Variants in ALAS1 observed in about 807,000 individuals in gnomAD.
The protein encoded by ALAS1 is 5-aminolevulinate synthase, non-specific, mitochondrial.
Under a neutral mutation model 59.6 loss-of-function variants are expected in ALAS1, and 29 were observed. That is an observed-to-expected ratio of 0.49 (90% confidence interval 0.36 to 0.66). ALAS1 has a LOEUF of 0.66. ALAS1 is among the 30% of genes least tolerant of loss of function. ALAS1 has a pLI of 0.00. For synonymous variants in ALAS1, 299 were observed against 296.6 expected (o/e 1.01, Z -0.08); for missense variants, 690 against 807.5 (o/e 0.85, Z 1.76).
intron 6 of ALAS1, 84 bp downstream of exon 6, chr3:52,204,999 G>A: frequency 8.7e-7 from 1 of 1,155,430 alleles, no homozygotes; most frequent in South Asian, 1.3e-5. Flanking sequence ...TTTTATGGAG[G>A]GAACATTCAG....
At chr3:52,200,516 T>G (rs898389815) in intron 3 of ALAS1, among the ~76,000 whole-genome samples, 2 of 152,204 alleles carry the variant, frequency 1.3e-5, no homozygotes, top group African/African-American at 4.8e-5. Context: ...GGTGGTTTGA[T>G]CACCTGAGGC....
Position 52,211,453 on chromosome 3 carries a change from C to T in ALAS1, c.1501C>T (p.Arg501Cys), listed in dbSNP as rs891809385. 10 of 1,614,106 alleles carry T rather than the reference C, an allele frequency of 6.2e-6. No homozygotes were observed. The highest frequency in any genetic ancestry group is 1.7e-5 in the Admixed American group (1 of 60,008). Residue 501 changes from arginine to cysteine, a missense_variant, in exon 10 of 12, where the codon CGC becomes TGC. Physicochemically the swap from Arg to Cys is radical, Grantham distance 180. Coordinates refer to ENST00000484952, the MANE Select transcript of ALAS1 (RefSeq NM_000688.6). Reference protein sequence around the residue: ...ILKSAEGRVLRRQHQRNVKLM... With the variant: ...ILKSAEGRVLCRQHQRNVKLM... ...GAAGAGCGCTGAGGGACGGGTGCTT[C>T]GCCGCCAGCACCAGCGCAACGTCAA...
intron 8 of ALAS1, among the ~76,000 whole-genome samples, chr3:52,207,726 C>T (rs1405284343): frequency 2.0e-5 from 3 of 152,068 alleles, no homozygotes; most frequent in Admixed American, 6.6e-5. Flanking sequence ...TAAGTGAGAG[C>T]GATATTTGGT....
At position 52,208,126 on chromosome 3, in the gene ALAS1, G is replaced by A. The variant is rs773733316; in HGVS notation, c.1209G>A (p.Glu403=). 2 of 1,609,230 alleles carry A rather than the reference G, an allele frequency of 1.2e-6. No homozygotes were observed. The highest frequency in any genetic ancestry group is 2.2e-5 in the East Asian group (1 of 44,854). Residue 403 remains glutamate (E), a synonymous_variant, in exon 9 of 12, where the codon GAG becomes GAA. Coordinates refer to ENST00000484952, the MANE Select transcript of ALAS1 (RefSeq NM_000688.6). ...AAGAGCTGTGTGATGTGGCCCATGA[G>A]TTTGGAGCAATCACCTTCGTGGATG... ...PLEELCDVAH[E]FGAITFVDEV...
rs143204062 is a variant in ALAS1, at chr3:52,205,871, G to A, written c.833G>A (p.Gly278Asp). The A allele has an allele frequency of 1.8e-5, 29 of 1,613,986 alleles. No individual in the cohort carries two copies. The highest frequency in any genetic ancestry group is 2.5e-5 in the Non-Finnish European group (29 of 1,179,932). ...TTGAAACAACATGGTGCTGGGGCAGGTGGTACTAGAAATATTTCTGGAACT... is the reference window on the plus strand; with the variant it reads ...TTGAAACAACATGGTGCTGGGGCAGATGGTACTAGAAATATTTCTGGAACT... The part of the protein sequence containing the change: ...DTLKQHGAGA[G>D]GTRNISGTSK... The change falls in exon 7 of 12, where the codon GGT (glycine) becomes GAT (aspartate). Residue 278 changes from glycine to aspartate, a missense_variant. Gly to Asp is a moderately conservative substitution (Grantham distance 94). Coordinates refer to ENST00000484952, the MANE Select transcript of ALAS1 (RefSeq NM_000688.6).
At chr3:52,208,268 A>G in intron 9 of ALAS1, 21 bp downstream of exon 9, 2 of 1,612,686 alleles carry the variant, frequency 1.2e-6, no homozygotes, top group Non-Finnish European at 1.7e-6. Flanking sequence ...ATTGTATTAC[A>G]TACACTAAAA....
At chr3:52,206,239 C>T (rs1483408913) in intron 7 of ALAS1, among the ~76,000 whole-genome samples, 1 of 152,206 alleles carries the variant, frequency 6.6e-6, no homozygotes, top group Non-Finnish European at 1.5e-5. Context: ...ACGTCTCATC[C>T]TTGAGCTAAT....
chr3:52,200,066 T>G (rs1275236746), intron 3 of ALAS1, among the ~76,000 whole-genome samples: 1 of 152,218 alleles, frequency 6.6e-6, no homozygotes, highest in Non-Finnish European at 1.5e-5. Context: ...TCCACCTGCC[T>G]CAGCCTCCCA....
At chr3:52,205,707 C>A (rs926487382) in intron 6 of ALAS1, 132 bp from the exon 7 acceptor site, 2 of 838,114 alleles carry the variant, frequency 2.4e-6, no homozygotes, top group Non-Finnish European at 3.6e-6. Context: ...AATTTCTGAC[C>A]CCAGGTTTCA....
rs923169759 is a variant in ALAS1, at chr3:52,211,401, T to A, written c.1449T>A (p.Ala483=). The change falls in exon 10 of 12, where the codon GCT becomes GCA. Residue 483 remains alanine (A), a synonymous_variant. Coordinates refer to ENST00000484952, the MANE Select transcript of ALAS1 (RefSeq NM_000688.6). ...FTTSLPPMLL[A]GALESVRILK... is the part of the protein sequence containing the mutation. ...CCTCTCTGCCACCCATGCTGCTGGC[T>A]GGAGCCCTGGAGTCTGTGCGGATCC... 1 of 1,614,216 alleles carries A rather than the reference T, an allele frequency of 6.2e-7. No homozygotes were observed. The highest frequency in any genetic ancestry group is 8.5e-7 in the Non-Finnish European group (1 of 1,180,032).
chr3:52,206,700 G>C lies in ALAS1; in HGVS notation c.1114G>C (p.Asp372His). 6.2e-7 allele frequency: 1 copy of C among 1,614,192 alleles called. No homozygotes were observed. Among genetic ancestry groups the C allele is most frequent in the Admixed American group, 1.7e-5 (1 of 60,024 alleles). ...CCTCAGAGAACTGCTGCAAAGATCT[G>C]ACCCCTCAGTCCCCAAGATTGTGGC... The part of the protein sequence containing the change: ...SHLRELLQRS[D>H]PSVPKIVAFE... The change falls in exon 8 of 12, where the codon GAC (aspartate) becomes CAC (histidine). Residue 372 changes from aspartate (D) to histidine (H), a missense_variant. By Grantham distance (81) the Asp-to-His change is moderately conservative. Coordinates refer to ENST00000484952, the MANE Select transcript of ALAS1 (RefSeq NM_000688.6).
intron 3 of ALAS1, 101 bp downstream of exon 3, chr3:52,199,541 A>T: frequency 2.6e-6 from 3 of 1,136,424 alleles, no homozygotes; most frequent in Non-Finnish European, 2.5e-6. Context: ...ACTCACTCAC[A>T]GAGGGCTGCT....
intron 11 of ALAS1, among the ~76,000 whole-genome samples, chr3:52,212,666 G>A (rs1047612882): frequency 6.6e-6 from 1 of 151,992 alleles, no homozygotes; most frequent in Non-Finnish European, 1.5e-5. Flanking sequence ...TGAGTAGCTG[G>A]GATTACAGCC....
At chr3:52,213,967 AT>A in intron 11 of ALAS1, 52 bp from the exon 12 acceptor site, 1 of 1,514,142 alleles carries the variant, frequency 6.6e-7, no homozygotes, top group Non-Finnish European at 9.0e-7. Flanking sequence ...ATATGTTTTC[AT>A]TTCTCTTGTG....
chr3:52,199,260 C>A lies in ALAS1; in HGVS notation c.19C>A (p.Arg7Ser), dbSNP rs780151880. 5.0e-6 allele frequency: 8 copies of A among 1,614,030 alleles called. No individual in the cohort carries two copies. In the East Asian group the frequency reaches 6.7e-5, roughly 13 times the overall value. The change falls in exon 3 of 12, where the codon CGC becomes AGC. Residue 7 changes from arginine (R) to serine (S), a missense_variant. By Grantham distance (110) the Arg-to-Ser change is moderately radical. Coordinates refer to ENST00000484952, the MANE Select transcript of ALAS1 (RefSeq NM_000688.6). ...CCTGAACATGGAGAGTGTTGTTCGCCGCTGCCCATTCTTATCCCGAGTCCC... is the reference window on the plus strand; with the variant it reads ...CCTGAACATGGAGAGTGTTGTTCGCAGCTGCCCATTCTTATCCCGAGTCCC... MESVVR[R>S]CPFLSRVPQA...
chr3:52,210,661 C>T (rs570651290), intron 9 of ALAS1, among the ~76,000 whole-genome samples: 1 of 152,002 alleles, frequency 6.6e-6, no homozygotes, highest in African/African-American at 2.4e-5. Context: ...GTACACCTGT[C>T]CTAGCTACTT....
chr3:52,203,841 T>C lies in ALAS1; in HGVS notation c.428-22T>C, dbSNP rs746726887. 17 of 1,561,346 alleles carry C rather than the reference T, an allele frequency of 1.1e-5. No individual in the cohort carries two copies. In the South Asian group the frequency reaches 2.0e-4, roughly 18 times the overall value. ...CAGAATAGAAAGTTGGTCCCATTTG[T>C]TTCTTGTTACTTTTGTTCCAGAGGT... On this transcript the variant is annotated intron_variant, in intron 4 of 11. Coordinates refer to ENST00000484952, the MANE Select transcript of ALAS1 (RefSeq NM_000688.6).
chr3:52,204,053 A>C, intron 5 of ALAS1, 41 bp downstream of exon 5: 1 of 1,567,726 alleles, frequency 6.4e-7, no homozygotes, highest in African/African-American at 1.4e-5. Flanking sequence ...AAAAGAATTT[A>C]TAATTCAAAT....
intron 5 of ALAS1, 33 bp from the exon 6 acceptor site, chr3:52,204,660 A>T (rs748222418): frequency 1.3e-6 from 2 of 1,579,216 alleles, no homozygotes; most frequent in Non-Finnish European, 8.7e-7. Context: ...TTTCACAACC[A>T]CCATTCTGTA....
Sources: gnomAD v4.1 joint callset for allele counts (sites outside exome capture counted in the v4.1 genomes callset) on GRCh38, gnomAD v4.1.1 for gene constraint, MANE v1.5 for transcripts, NCBI Gene and HGNC (gene_info 2026-07-23, HGNC 2026-07-21) for gene names.